Variants in MAOB observed in about 807,000 individuals in gnomAD.
MAOB encodes amine oxidase [flavin-containing] B.
A neutral mutation model predicts 41.9 loss-of-function variants in MAOB; 15 were observed. That is an observed-to-expected ratio of 0.36 (90% CI 0.24 to 0.55). MAOB has a LOEUF of 0.55. Ranked by LOEUF, MAOB falls within the 20% of genes least tolerant of loss-of-function variation. The pLI is 0.86. For missense variants in MAOB, 345 were observed against 398.7 expected (o/e 0.87, Z 1.15); for synonymous variants, 167 against 144.2 (o/e 1.16, Z -1.13).
chrX:43,799,404 G>A (rs2034566532), intron 5 of MAOB, among the ~76,000 whole-genome samples: 1 of 111,488 alleles, frequency 9.0e-6, no homozygotes, highest in South Asian at 3.8e-4. Flanking sequence ...GTGGATTGAG[G>A]GGCATACAGT....
chrX:43,778,537 G>A, intron 11 of MAOB, 145 bp downstream of exon 11: 1 of 448,040 alleles, frequency 2.2e-6, no homozygotes, highest in Non-Finnish European at 3.8e-6. Context: ...CTTGTAAACT[G>A]ACCAGTCCTG....
intron 12 of MAOB, among the ~76,000 whole-genome samples, chrX:43,772,915 T>C (rs1601962195): frequency 8.9e-6 from 1 of 112,104 alleles, no homozygotes; most frequent in East Asian, 2.8e-4. Context: ...GCCATGATTG[T>C]GAGCTCCCTG....
intron 1 of MAOB, among the ~76,000 whole-genome samples, chrX:43,857,459 C>T (rs2035306183): frequency 9.1e-6 from 1 of 110,257 alleles, no homozygotes; most frequent in Non-Finnish European, 1.9e-5. Context: ...GGATGACAGG[C>T]ATGAGCCACT....
intron 8 of MAOB, among the ~76,000 whole-genome samples, chrX:43,784,650 C>A (rs2034376816): frequency 1.8e-5 from 2 of 112,115 alleles, no homozygotes; most frequent in Admixed American, 1.9e-4. Flanking sequence ...GTAGTCTTAG[C>A]ATAATTCCTA....
chrX:43,827,857 C>T (rs985415812), intron 3 of MAOB, among the ~76,000 whole-genome samples: 2 of 111,845 alleles, frequency 1.8e-5, no homozygotes, highest in Non-Finnish European at 1.9e-5. Flanking sequence ...CACTATCTTT[C>T]TAACTTATTT....
intron 1 of MAOB, among the ~76,000 whole-genome samples, chrX:43,869,056 A>G (rs1400691984): frequency 1.8e-5 from 2 of 111,720 alleles, no homozygotes; most frequent in African/African-American, 6.5e-5. Flanking sequence ...CACAGGGTTG[A>G]AAACTAGCCC....
intron 5 of MAOB, among the ~76,000 whole-genome samples, 193 bp downstream of exon 5, chrX:43,801,979 C>A (rs898781324): frequency 8.8e-6 from 1 of 113,161 alleles, no homozygotes; most frequent in Non-Finnish European, 1.9e-5. Context: ...TACAAAACTA[C>A]TCCAAAGAAG....
intron 13 of MAOB, 24 bp downstream of exon 13, chrX:43,769,283 A>G: frequency 8.6e-7 from 1 of 1,160,693 alleles, no homozygotes; most frequent in Non-Finnish European, 1.1e-6. Flanking sequence ...CTCCTTCCCC[A>G]TAATCTATGA....
intron 2 of MAOB, among the ~76,000 whole-genome samples, chrX:43,841,009 A>T (rs1247334306): frequency 1.8e-5 from 2 of 109,421 alleles, no homozygotes; most frequent in Non-Finnish European, 3.8e-5. Context: ...AGCTCAGCAG[A>T]TCCCACCCCT....
At position 43,882,415 on chromosome X, in the gene MAOB, C is replaced by A; in HGVS notation, c.-116G>T. On this transcript the variant is annotated 5_prime_UTR_variant, in exon 1 of 15. Coordinates refer to ENST00000378069, the MANE Select transcript of MAOB (RefSeq NM_000898.5). ...CTGCCCGCCGGCCTGCTGCGCGCTG[C>A]CCCCGTGCACCAGCGCCTCGGCGAG... 1 of 1,051,122 alleles carries A rather than the reference C, an allele frequency of 9.5e-7. No individual in the cohort carries two copies. The highest frequency in any genetic ancestry group is 1.2e-6 in the Non-Finnish European group (1 of 818,904). The allele number at this position is 1,051,122 out of a possible 1,213,427, so 86.6% of individuals were successfully genotyped here. A position where few individuals can be genotyped will look rare whatever the true frequency, so the allele number is the denominator to read the frequency against.
At chrX:43,874,579 G>GT (rs770003806) in intron 1 of MAOB, among the ~76,000 whole-genome samples, 32 of 111,360 alleles carry the variant, frequency 2.9e-4, no homozygotes, top group African/African-American at 9.2e-4. Context: ...TCAATTGCTC[G>GT]TTTTTGGATC....
intron 8 of MAOB, among the ~76,000 whole-genome samples, chrX:43,784,688 A>G (rs1030227058): frequency 2.7e-5 from 3 of 111,956 alleles, no homozygotes; most frequent in African/African-American, 9.7e-5. Flanking sequence ...TGAATGGTAA[A>G]TGGACATTGA....
intron 3 of MAOB, among the ~76,000 whole-genome samples, chrX:43,805,043 A>G (rs976042847): frequency 8.1e-5 from 9 of 111,423 alleles, no homozygotes; most frequent in African/African-American, 2.9e-4. Flanking sequence ...TTAACCTGCC[A>G]TTAAAACTGT....
At chrX:43,877,609 C>A (rs1351672875) in intron 1 of MAOB, among the ~76,000 whole-genome samples, 1 of 111,570 alleles carries the variant, frequency 9.0e-6, no homozygotes, top group Non-Finnish European at 1.9e-5. Context: ...GTTATTAATG[C>A]ATTTATCTTC....
At chrX:43,768,811 T>C (rs769636152) in intron 13 of MAOB, 95 bp from the exon 14 acceptor site, 2 of 761,867 alleles carry the variant, frequency 2.6e-6, no homozygotes, top group East Asian at 6.8e-5. Flanking sequence ...TCTTGAGATA[T>C]CCATCAAAAA....
intron 8 of MAOB, among the ~76,000 whole-genome samples, chrX:43,792,721 C>T (rs1234998929): frequency 8.9e-6 from 1 of 111,968 alleles, no homozygotes; most frequent in Non-Finnish European, 1.9e-5. Context: ...CACTTATGCA[C>T]TGTTGGTGGG....
At chrX:43,840,558 C>T (rs932293266) in intron 2 of MAOB, among the ~76,000 whole-genome samples, 1 of 111,448 alleles carries the variant, frequency 9.0e-6, no homozygotes. Flanking sequence ...ACACAGAAGG[C>T]AGGTGATTTC....
chrX:43,778,769 T>G, intron 10 of MAOB, 30 bp from the exon 11 acceptor site: 1 of 1,120,024 alleles, frequency 8.9e-7, no homozygotes. Context: ...AAAGAGAAAA[T>G]AAAGGAAAGA....
In MAOB at chrX:43,767,310, GA is replaced by G; in HGVS notation, c.*155del. 1 of 506,605 alleles carries G rather than the reference GA, an allele frequency of 2.0e-6. No individual in the cohort carries two copies. The highest frequency in any genetic ancestry group is 4.1e-5 in the Admixed American group (1 of 24,511). 41.7% of individuals were successfully genotyped at this position (506,605 alleles called of 1,213,427 possible). A position where few individuals can be genotyped will look rare whatever the true frequency, so the allele number is the denominator to read the frequency against. On this transcript the variant is annotated 3_prime_UTR_variant, in exon 15 of 15. Transcript: ENST00000378069. ...AAGCAGGGGCCACAACGGAGAAAGAGATACCATGTATTTTACAGTCAGAGTT... is the reference window on the plus strand; with the variant it reads ...AAGCAGGGGCCACAACGGAGAAAGAGTACCATGTATTTTACAGTCAGAGTT...
Sources: gnomAD v4.1 joint callset for allele counts (sites outside exome capture counted in the v4.1 genomes callset) on GRCh38, gnomAD v4.1.1 for gene constraint, MANE v1.5 for transcripts, NCBI Gene and HGNC (gene_info 2026-07-23, HGNC 2026-07-21) for gene names.